FOXP1: variants seen among roughly 807,000 people sequenced by gnomAD.
FOXP1 encodes forkhead box P1, also known as forkhead box protein P1.
A neutral mutation model predicts 98.2 loss-of-function variants in FOXP1; 15 were observed. That is an observed-to-expected ratio of 0.15 (90% confidence interval 0.10 to 0.24). The LOEUF (loss-of-function observed/expected upper bound fraction) is 0.24, where lower values mean the gene tolerates loss of function less well. FOXP1 is among the 10% of genes least tolerant of loss of function. The pLI is 1.00. For missense variants in FOXP1, 633 were observed against 848.5 expected (o/e 0.75, Z 3.15); for synonymous variants, 371 against 314.5 (o/e 1.18, Z -1.90).
intron 5 of FOXP1, among the ~76,000 whole-genome samples, chr3:71,282,150 C>A (rs1181349104): frequency 2.6e-5 from 4 of 151,912 alleles, no homozygotes; most frequent in Admixed American, 2.0e-4. Context: ...CCGAGAAGAT[C>A]CCTCTAAGTG....
chr3:70,964,525 C>T (rs1388749694), intron 20 of FOXP1, among the ~76,000 whole-genome samples: 4 of 152,196 alleles, frequency 2.6e-5, no homozygotes, highest in Admixed American at 1.3e-4. Flanking sequence ...CTTGCAGTAG[C>T]TTATACCAAT....
At chr3:71,251,278 A>G (rs1341402850) in intron 5 of FOXP1, among the ~76,000 whole-genome samples, 2 of 152,174 alleles carry the variant, frequency 1.3e-5, no homozygotes, top group Non-Finnish European at 2.9e-5. Flanking sequence ...AACTCATACC[A>G]TTTGGAAACG....
chr3:71,071,731 G>A (rs908881937), intron 7 of FOXP1, among the ~76,000 whole-genome samples: 1 of 152,020 alleles, frequency 6.6e-6, no homozygotes, highest in Non-Finnish European at 1.5e-5. Context: ...CTGCCACCAC[G>A]CCTGGCTAAT....
chr3:71,124,766 T>C (rs796675353), intron 6 of FOXP1, among the ~76,000 whole-genome samples: 1 of 152,170 alleles, frequency 6.6e-6, no homozygotes, highest in African/African-American at 2.4e-5. Flanking sequence ...ATTCAGTAAA[T>C]GGAAACTAAA....
chr3:71,455,082 T>C (rs903882607), intron 3 of FOXP1, among the ~76,000 whole-genome samples: 2 of 152,212 alleles, frequency 1.3e-5, no homozygotes, highest in African/African-American at 4.8e-5. Flanking sequence ...GGAATTCTTA[T>C]GAATGATATA....
At chr3:71,099,035 C>G (rs1368633248) in intron 7 of FOXP1, among the ~76,000 whole-genome samples, 1 of 152,156 alleles carries the variant, frequency 6.6e-6, no homozygotes, top group Non-Finnish European at 1.5e-5. Flanking sequence ...GGGATAAATG[C>G]TATGATTACC....
intron 4 of FOXP1, among the ~76,000 whole-genome samples, chr3:71,324,842 G>T (rs138964111): frequency 2.6e-5 from 4 of 152,050 alleles, no homozygotes; most frequent in Non-Finnish European, 5.9e-5. Context: ...AAGCGGTTGC[G>T]AACTCTAAAG....
intron 6 of FOXP1, among the ~76,000 whole-genome samples, chr3:71,135,185 G>C (rs2059759829): frequency 6.7e-6 from 1 of 149,776 alleles, no homozygotes; most frequent in African/African-American, 2.5e-5. Flanking sequence ...CTTGAACCCA[G>C]GAGGTGGAGG....
At position 71,041,991 on chromosome 3, in the gene FOXP1, G is replaced by T. The variant is rs529949771; in HGVS notation, c.665-459C>A. ...ACAAATAGCTTTGTTATTAAATATA[G>T]TTTTTATTAATCACTTTTAGACATA... On this transcript the variant is annotated intron_variant, in intron 10 of 20. Transcript: ENST00000649528. 5.3e-5 allele frequency among the ~76,000 whole-genome samples: 8 copies of T among 152,122 alleles called. No homozygotes were observed. In the South Asian group the frequency reaches 1.7e-3, roughly 31 times the overall value.
At chr3:71,056,740 A>G (rs957930242) in intron 7 of FOXP1, among the ~76,000 whole-genome samples, 5 of 152,344 alleles carry the variant, frequency 3.3e-5, no homozygotes, top group South Asian at 2.1e-4. Context: ...CTGTTCTAAC[A>G]TATCATGAAA....
In FOXP1 at chr3:71,042,734, G is replaced by A. The variant is rs538710889; in HGVS notation, c.665-1202C>T. On this transcript the variant is annotated intron_variant, in intron 10 of 20. Coordinates refer to ENST00000649528, the MANE Select transcript of FOXP1 (RefSeq NM_001349338.3). ...TGTTTCTTACCAAACCTAAGGTATC[G>A]AATTAAAAAAGAAGGCTGTGTGCAT... Among the ~76,000 whole-genome samples, 4 of 152,104 alleles carry A rather than the reference G, an allele frequency of 2.6e-5. No individual in the cohort carries two copies. In the East Asian group the frequency reaches 7.7e-4, roughly 29 times the overall value.
At chr3:71,085,597 T>TCAACAA (rs2054956419) in intron 7 of FOXP1, among the ~76,000 whole-genome samples, 1 of 152,048 alleles carries the variant, frequency 6.6e-6, no homozygotes, top group African/African-American at 2.4e-5. Flanking sequence ...ATTAGAATCA[T>TCAACAA]CAACAACAAT....
chr3:71,444,370 AT>A (rs397947125), intron 3 of FOXP1, among the ~76,000 whole-genome samples: 35,051 of 142,788 alleles, frequency 0.25, 4,630 homozygotes, highest in Middle Eastern at 0.34. Flanking sequence ...ACAATCAAGG[AT>A]TTTTTTTTTT....
At chr3:71,350,230 C>T (rs2107835739) in intron 4 of FOXP1, among the ~76,000 whole-genome samples, 1 of 152,236 alleles carries the variant, frequency 6.6e-6, no homozygotes, top group East Asian at 1.9e-4. Context: ...CTGGGTCATT[C>T]AAAAGCAAGT....
At chr3:70,993,320 G>A (rs2040891841) in intron 13 of FOXP1, among the ~76,000 whole-genome samples, 1 of 152,194 alleles carries the variant, frequency 6.6e-6, no homozygotes, top group Non-Finnish European at 1.5e-5. Flanking sequence ...AGCTCCGCAA[G>A]GCAGAGTGGC....
In FOXP1 at chr3:70,958,781, T is replaced by C. The variant is rs1341177400; in HGVS notation, c.*466A>G. The C allele has an allele frequency of 2.9e-5, 4 of 136,584 alleles. No individual in the cohort carries two copies. The highest frequency in any genetic ancestry group is 4.0e-5 in the Non-Finnish European group (3 of 74,828). 8.5% of individuals were successfully genotyped at this position (136,584 alleles called of 1,614,324 possible). Reference sequence around the variant, plus strand: ...AAAAAAAAAAAAGGAGTAAAGGCAGTGATAATCAACATGCAGTACTGTGCA... The same window carrying C: ...AAAAAAAAAAAAGGAGTAAAGGCAGCGATAATCAACATGCAGTACTGTGCA... On this transcript the variant is annotated 3_prime_UTR_variant, in exon 21 of 21. Transcript: ENST00000649528.
chr3:71,013,654 A>T (rs866714334), intron 12 of FOXP1, among the ~76,000 whole-genome samples: 2 of 150,358 alleles, frequency 1.3e-5, no homozygotes, highest in Admixed American at 1.3e-4. Flanking sequence ...AACTACTTTA[A>T]AGTTCATATG....
intron 6 of FOXP1, among the ~76,000 whole-genome samples, chr3:71,196,367 GTGTGTGTGGGCGCA>G (rs2063301422): frequency 6.6e-6 from 1 of 152,070 alleles, no homozygotes; most frequent in African/African-American, 2.4e-5. Context: ...TATCACTGTT[GTGTGTGTGGGCGCA>G]TGTGTGTGTG....
intron 7 of FOXP1, among the ~76,000 whole-genome samples, chr3:71,067,361 G>C (rs1416888245): frequency 6.6e-6 from 1 of 152,170 alleles, no homozygotes; most frequent in East Asian, 1.9e-4. Flanking sequence ...ACTTCCATAA[G>C]TGGAATATAA....
Sources: gnomAD v4.1 joint callset for allele counts (sites outside exome capture counted in the v4.1 genomes callset) on GRCh38, gnomAD v4.1.1 for gene constraint, MANE v1.5 for transcripts, NCBI Gene and HGNC (gene_info 2026-07-23, HGNC 2026-07-21) for gene names.